The following CORO2B variants were observed in gnomAD, a reference collection of about 807,000 sequenced individuals.
The protein encoded by CORO2B is coronin-2B.
CORO2B carries 26 observed loss-of-function variants against 58.8 expected under a neutral mutation model. The observed-to-expected ratio is 0.44, with a 90% CI of 0.32 to 0.61. CORO2B has a LOEUF of 0.61. Among genes scored for constraint, CORO2B ranks in the 20% least tolerant of loss-of-function variants. The probability of loss-of-function intolerance (pLI) is 0.04; values close to 1 mark genes in which losing one functional copy is unlikely to be tolerated. For missense variants in CORO2B, 460 were observed against 645.1 expected (o/e 0.71, Z 3.11); for synonymous variants, 242 against 253.8 (o/e 0.95, Z 0.44).
chr15:68,553,765 C>G, the CORO2B span, among the ~76,000 whole-genome samples: 1 of 152,172 alleles, frequency 6.6e-6, no homozygotes, highest in African/African-American at 2.4e-5. Flanking sequence ...CGTTTGTGCC[C>G]CGCACAGTGA....
the CORO2B span, among the ~76,000 whole-genome samples, chr15:68,556,694 G>C: frequency 6.6e-6 from 1 of 152,196 alleles, no homozygotes; most frequent in Non-Finnish European, 1.5e-5. Context: ...TCCTGCACTG[G>C]TAAGAAAGTC....
chr15:68,713,849 C>T (rs747317778), intron 5 of CORO2B, 76 bp from the exon 6 acceptor site: 12 of 959,856 alleles, frequency 1.3e-5, no homozygotes, highest in African/African-American at 4.9e-5. Flanking sequence ...TGTATCTTTT[C>T]GGGACCACCA....
chr15:68,639,831 G>A lies in CORO2B; in HGVS notation c.16-5329G>A, dbSNP rs7179174. 3.5e-3 allele frequency among the ~76,000 whole-genome samples: 531 copies of A among 152,274 alleles called. 4 individuals carry two copies. The highest frequency in any genetic ancestry group is 0.012 in the African/African-American group (513 of 41,558). Reference sequence around the variant, plus strand: ...CAAAACCAATATGTCCCAGTCTTGCGCCTTGTGCTCATTGGTCCTAAAAGA... The same window carrying A: ...CAAAACCAATATGTCCCAGTCTTGCACCTTGTGCTCATTGGTCCTAAAAGA... On this transcript the variant is annotated intron_variant, in intron 1 of 11. Coordinates refer to ENST00000261861, the MANE Select transcript of CORO2B (RefSeq NM_006091.5).
At chr15:68,537,981 C>T in the CORO2B span, among the ~76,000 whole-genome samples, 37 of 152,104 alleles carry the variant, frequency 2.4e-4, no homozygotes, top group Non-Finnish European at 4.3e-4. Flanking sequence ...TGGTGTGTGG[C>T]GGGGAGCCTT....
the CORO2B span, among the ~76,000 whole-genome samples, chr15:68,560,371 T>C: frequency 6.6e-6 from 1 of 152,004 alleles, no homozygotes. Flanking sequence ...CATGGCTCAC[T>C]GCAGCCTCAA....
In CORO2B at chr15:68,627,086, A is replaced by G. The variant is rs111614295; in HGVS notation, c.16-18074A>G. Among the ~76,000 whole-genome samples the G allele has an allele frequency of 1.6e-3, 242 of 152,352 alleles. 1 individual carries two copies. The highest frequency in any genetic ancestry group is 5.7e-3 in the African/African-American group (235 of 41,582). ...CTGCCTCTGTTTCTACGCCTGCAAA[A>G]TGGGCACAATAATGTCAGATTCATG... On this transcript the variant is annotated intron_variant, in intron 1 of 11. Transcript: ENST00000261861.
At chr15:68,575,577 G>GCCCCACC, upstream of CORO2B, among the ~76,000 whole-genome samples, 1 of 38,744 alleles carries the variant, frequency 2.6e-5, no homozygotes, top group South Asian at 1.4e-3. Context: ...CTTGTGATCT[G>GCCCCACC]CCCCCGCCTC....
chr15:68,653,693 A>G (rs1353096669), intron 2 of CORO2B, among the ~76,000 whole-genome samples: 1 of 152,184 alleles, frequency 6.6e-6, no homozygotes, highest in Non-Finnish European at 1.5e-5. Context: ...GAGGCCTAAT[A>G]TTAAAAGAAG....
Position 68,587,754 on chromosome 15 carries a change from T to C in CORO2B, c.15+8477T>C, listed in dbSNP as rs76275353. Among the ~76,000 whole-genome samples the C allele has an allele frequency of 1.6e-3, 240 of 152,356 alleles. 9 individuals are homozygous for C. In the East Asian group the frequency reaches 0.043, roughly 27 times the overall value. On this transcript the variant is annotated intron_variant, in intron 1 of 11. Transcript: ENST00000261861. ...ACAGCCTATGAAGTCTGTGCTATTA[T>C]TATCCCCCTTTCTATGGTTGCAGAA...
the CORO2B span, among the ~76,000 whole-genome samples, chr15:68,563,744 G>A: frequency 1.3e-5 from 2 of 152,156 alleles, no homozygotes; most frequent in African/African-American, 4.8e-5. Context: ...GATTATAAAT[G>A]AATAAGAACA....
At chr15:68,702,905 C>A (rs542303349) in intron 3 of CORO2B, among the ~76,000 whole-genome samples, 2 of 142,052 alleles carry the variant, frequency 1.4e-5, no homozygotes, top group East Asian at 4.1e-4. Context: ...TGGCTCACTG[C>A]AACCTCTGCT....
At position 68,661,167 on chromosome 15, in the gene CORO2B, G is replaced by A. The variant is rs150002934; in HGVS notation, c.216+15807G>A. On this transcript the variant is annotated intron_variant, in intron 2 of 11. Transcript: ENST00000261861. ...TAATTTTTGTATTTTTAGTAGAGAC[G>A]GGGTTTCACCATGTTGGCCAGGCTG... Among the ~76,000 whole-genome samples, 556 of 152,054 alleles carry A rather than the reference G, an allele frequency of 3.7e-3. 4 individuals are homozygous for A. The highest frequency in any genetic ancestry group is 8.1e-3 in the African/African-American group (335 of 41,498).
chr15:68,571,113 T>C, the CORO2B span, among the ~76,000 whole-genome samples: 2 of 152,212 alleles, frequency 1.3e-5, no homozygotes, highest in Admixed American at 1.3e-4. Flanking sequence ...ATCTGGATGG[T>C]AAATATCTCT....
chr15:68,558,964 C>T, the CORO2B span, among the ~76,000 whole-genome samples: 1 of 152,096 alleles, frequency 6.6e-6, no homozygotes, highest in Non-Finnish European at 1.5e-5. Context: ...CCCACGCCGG[C>T]CACGCAGGAA....
At chr15:68,665,038 C>T (rs1902149309) in intron 2 of CORO2B, among the ~76,000 whole-genome samples, 1 of 151,966 alleles carries the variant, frequency 6.6e-6, no homozygotes, top group Non-Finnish European at 1.5e-5. Flanking sequence ...GATCTTGGGC[C>T]ATAGTTAGAA....
At chr15:68,616,722 C>A (rs781443178) in intron 1 of CORO2B, 25 of 660,898 alleles carry the variant, frequency 3.8e-5, no homozygotes, top group Non-Finnish European at 4.3e-5. Context: ...GCCCCGAGAG[C>A]TGGGTCTTGC....
At chr15:68,539,135 A>G in the CORO2B span, among the ~76,000 whole-genome samples, 1 of 152,228 alleles carries the variant, frequency 6.6e-6, no homozygotes, top group African/African-American at 2.4e-5. Context: ...GCCACAAGAC[A>G]GCAGAGCTGG....
chr15:68,593,673 G>T (rs1469684562), intron 1 of CORO2B, among the ~76,000 whole-genome samples: 1 of 150,246 alleles, frequency 6.7e-6, no homozygotes, highest in Non-Finnish European at 1.5e-5. Context: ...TTTTTTTTTT[G>T]CAACTCTGAA....
At chr15:68,615,309 A>T (rs1900328569) in intron 1 of CORO2B, among the ~76,000 whole-genome samples, 2 of 152,160 alleles carry the variant, frequency 1.3e-5, no homozygotes, top group Admixed American at 1.3e-4. Context: ...TGGACAGAGA[A>T]TCAGTCATTT....
Sources: allele counts gnomAD v4.1 joint callset (sites outside exome capture counted in the v4.1 genomes callset), GRCh38; gene constraint gnomAD v4.1.1; transcripts MANE v1.5; gene names NCBI Gene and HGNC (gene_info 2026-07-23, HGNC 2026-07-21).